MINK1: variants seen among roughly 807,000 people sequenced by gnomAD.
The protein encoded by MINK1 is misshapen-like kinase 1.
Under a neutral mutation model 178.4 loss-of-function variants are expected in MINK1, and 46 were observed. That is an observed-to-expected ratio of 0.26 (90% CI 0.20 to 0.33). The LOEUF is 0.33. Ranked by LOEUF, MINK1 falls within the 10% of genes least tolerant of loss-of-function variation. MINK1 has a pLI of 1.00. For missense variants in MINK1, 1,366 were observed against 1,814.9 expected, an observed-to-expected ratio of 0.75 and a Z score of 4.49; for synonymous variants, 797 against 709.7, an observed-to-expected ratio of 1.12 and a Z score of -1.96.
chr17:4,887,282 C>A lies in MINK1; in HGVS notation c.1019+103C>A. 1 of 1,250,152 alleles carries A rather than the reference C, an allele frequency of 8.0e-7. No individual in the cohort carries two copies. Among genetic ancestry groups the A allele is most frequent in the Non-Finnish European group, 1.1e-6 (1 of 880,304 alleles). 77.4% of individuals were successfully genotyped at this position (1,250,152 alleles called of 1,614,324 possible). On this transcript the variant is annotated intron_variant, in intron 11 of 31. Transcript: ENST00000355280. The surrounding 1 kb of genome is among the most constrained non-coding windows in gnomAD (Gnocchi z 7.6). ...ACTCTCAGCCTGGGGGTGGTGGGCACAGAGAGGTAGAGACTCCTGGAAACC... is the reference window on the plus strand; with the variant it reads ...ACTCTCAGCCTGGGGGTGGTGGGCAAAGAGAGGTAGAGACTCCTGGAAACC...
At chr17:4,872,758 ACT>A (rs1567591075) in intron 1 of MINK1, among the ~76,000 whole-genome samples, 7 of 151,944 alleles carry the variant, frequency 4.6e-5, no homozygotes, top group African/African-American at 1.7e-4. Context: ...GGTGACAGAG[ACT>A]CTGTCTCAGA....
At chr17:4,859,527 T>C (rs1036170378) in intron 1 of MINK1, among the ~76,000 whole-genome samples, 3 of 152,108 alleles carry the variant, frequency 2.0e-5, no homozygotes, top group Non-Finnish European at 4.4e-5. Flanking sequence ...AGACACTGGC[T>C]ACGTAATCCC....
chr17:4,893,032 C>T lies in MINK1; in HGVS notation c.2365C>T (p.Pro789Ser). 13 of 1,577,700 alleles carry T rather than the reference C, an allele frequency of 8.2e-6. No homozygotes were observed. Among genetic ancestry groups the T allele is most frequent in the Non-Finnish European group, 1.1e-5 (13 of 1,163,948 alleles). The stretch of plus-strand genomic sequence containing the variant: ...GCTCTCCCCTGGGAATAAAGCCAAG[C>T]CCGACGACCACCGCTCACGGCCAGG... ...PVLSPGNKAK[P>S]DDHRSRPGRP... is the part of the protein sequence containing the mutation. Residue 789 changes from proline (P) to serine (S), a missense_variant, in exon 20 of 32, where the codon CCC becomes TCC. By Grantham distance (74) the Pro-to-Ser change is moderately conservative. This residue lies in a region of MINK1 where 709 missense variants were observed against 692.3 expected (regional missense o/e 1.02). Transcript: ENST00000355280.
chr17:4,853,293 T>C (rs1327798635), intron 1 of MINK1, among the ~76,000 whole-genome samples: 1 of 57,036 alleles, frequency 1.8e-5, no homozygotes, highest in African/African-American at 7.8e-5. Flanking sequence ...GTAGAGTGGT[T>C]GGTGGGGGAG....
chr17:4,887,539 G>A lies in MINK1; in HGVS notation c.1020-41G>A. ...ACGGGGTTGAGAGTGGGAACCAACA[G>A]GGTTCTGACCCCAGTGCTTCTTTGT... On this transcript the variant is annotated intron_variant, in intron 11 of 31. Transcript: ENST00000355280. This position sits in a 1 kb window ranked among gnomAD's most constrained non-coding sequence, Gnocchi z 7.6. The A allele has an allele frequency of 1.4e-6, 2 of 1,454,484 alleles. No individual in the cohort carries two copies. The highest frequency in any genetic ancestry group is 1.8e-6 in the Non-Finnish European group (2 of 1,098,524). 90.1% of individuals were successfully genotyped at this position (1,454,484 alleles called of 1,614,324 possible).
chr17:4,835,618 C>T (rs1909196024), intron 1 of MINK1, among the ~76,000 whole-genome samples: 1 of 152,128 alleles, frequency 6.6e-6, no homozygotes. Flanking sequence ...CAAAGCGAGA[C>T]CTTGTCTTAA....
chr17:4,891,435 C>T, intron 15 of MINK1, 21 bp from the exon 16 acceptor site: 1 of 1,534,698 alleles, frequency 6.5e-7, no homozygotes, highest in African/African-American at 1.4e-5. Context: ...GCAGCCCACC[C>T]TCCCTGGTCT....
intron 1 of MINK1, among the ~76,000 whole-genome samples, chr17:4,837,552 G>A (rs530246742): frequency 6.6e-6 from 1 of 152,250 alleles, no homozygotes; most frequent in Non-Finnish European, 1.5e-5. Flanking sequence ...AAGAGAAAAT[G>A]TGGGCCTCTG....
At position 4,859,226 on chromosome 17, in the gene MINK1, A is replaced by C. The variant is rs534155730; in HGVS notation, c.58-19091A>C. 1.6e-4 allele frequency: 160 copies of C among 985,342 alleles called. 1 individual carries two copies. The African/African-American group carries it at 2.6e-3, about 16-fold the overall frequency. The allele number at this position is 985,342 out of a possible 1,614,324, so 61.0% of individuals were successfully genotyped here. On this transcript the variant is annotated intron_variant, in intron 1 of 31. Coordinates refer to ENST00000355280, the MANE Select transcript of MINK1 (RefSeq NM_153827.5). The stretch of plus-strand genomic sequence containing the variant: ...TCCCTTCCCCAGGCTTTATGGTTCC[A>C]GTTCTTCTACCATTCTGGAAGCTCC...
At chr17:4,846,830 C>T (rs765293789) in intron 1 of MINK1, among the ~76,000 whole-genome samples, 4 of 152,182 alleles carry the variant, frequency 2.6e-5, no homozygotes, top group Non-Finnish European at 2.9e-5. Context: ...GCCACAGGCT[C>T]GGCCCCATCT....
chr17:4,891,599 C>T lies in MINK1; in HGVS notation c.1884C>T (p.Ala628=), dbSNP rs775118493. The part of the protein sequence containing the change: ...DPDPAIPAPT[A]TPSARGAVIR... Reference sequence around the variant, plus strand: ...ACCCTGCCATCCCCGCACCCACTGCCACGCCCAGTGCCCGAGGAGCTGTCA... The same window carrying T: ...ACCCTGCCATCCCCGCACCCACTGCTACGCCCAGTGCCCGAGGAGCTGTCA... The change falls in exon 16 of 32, where the codon GCC becomes GCT. Residue 628 remains alanine, a synonymous_variant. Coordinates refer to ENST00000355280, the MANE Select transcript of MINK1 (RefSeq NM_153827.5). The T allele has an allele frequency of 2.1e-5, 34 of 1,604,448 alleles. No individual in the cohort carries two copies. The highest frequency in any genetic ancestry group is 3.4e-5 in the Admixed American group (2 of 58,522).
At position 4,894,479 on chromosome 17, in the gene MINK1, A is replaced by C. The variant is rs1354633425; in HGVS notation, c.2809-46A>C. The C allele has an allele frequency of 6.5e-7, 1 of 1,529,334 alleles. No individual in the cohort carries two copies. The highest frequency in any genetic ancestry group is 8.9e-7 in the Non-Finnish European group (1 of 1,124,168). 94.7% of individuals were successfully genotyped at this position (1,529,334 alleles called of 1,614,324 possible). On this transcript the variant is annotated intron_variant, in intron 23 of 31. Coordinates refer to ENST00000355280, the MANE Select transcript of MINK1 (RefSeq NM_153827.5). The surrounding 1 kb of genome is among the most constrained non-coding windows in gnomAD (Gnocchi z 4.1). ...GGAACAGCAGCAGGGGCAGGGCCGC[A>C]GCTGGACTTGCACTTGTTTGCCTGA...
Position 4,865,472 on chromosome 17 carries a change from G to A in MINK1, c.58-12845G>A, listed in dbSNP as rs1016119427. Among the ~76,000 whole-genome samples, 6 of 152,012 alleles carry A rather than the reference G, an allele frequency of 3.9e-5. No individual in the cohort carries two copies. The East Asian group carries it at 1.2e-3, about 29-fold the overall frequency. ...ATAAATAAATAAATAACCAGACACTGGACTAGAGGGGGAAAGTTTCAAGGA... is the reference window on the plus strand; with the variant it reads ...ATAAATAAATAAATAACCAGACACTAGACTAGAGGGGGAAAGTTTCAAGGA... On this transcript the variant is annotated intron_variant, in intron 1 of 31. Transcript: ENST00000355280.
At chr17:4,854,961 C>T (rs1912789414) in intron 1 of MINK1, among the ~76,000 whole-genome samples, 1 of 152,016 alleles carries the variant, frequency 6.6e-6, no homozygotes, top group South Asian at 2.1e-4. Context: ...AGTCCCAGCA[C>T]TTTGGGAGGC....
rs1967667810 is a variant in MINK1, at chr17:4,881,147, A to C, written c.196A>C (p.Ile66Leu). Reference sequence around the variant, plus strand: ...ATCTGCTTAGGACGAGGAGGAAGAGATCAAACAGGAGATCAACATGCTGAA... The same window carrying C: ...ATCTGCTTAGGACGAGGAGGAAGAGCTCAAACAGGAGATCAACATGCTGAA... ...MDVTEDEEEEIKQEINMLKKY... is the reference protein window; with the variant it reads ...MDVTEDEEEELKQEINMLKKY... Residue 66 changes from isoleucine to leucine, a missense_variant, in exon 4 of 32, where the codon ATC becomes CTC. Transcript: ENST00000355280. 9 of 1,536,980 alleles carry C rather than the reference A, an allele frequency of 5.9e-6. No individual in the cohort carries two copies. The highest frequency in any genetic ancestry group is 7.8e-6 in the Non-Finnish European group (9 of 1,146,888).
Position 4,891,248 on chromosome 17 carries a change from T to A in MINK1, c.1740+124T>A, listed in dbSNP as rs183584860. On this transcript the variant is annotated intron_variant, in intron 15 of 31. Coordinates refer to ENST00000355280, the MANE Select transcript of MINK1 (RefSeq NM_153827.5). ...CACCTGCTCAGCCGTGAGCCAGGAT[T>A]ACAGAGCACAGGCTTTGTGGACAGA... 49 of 1,165,088 alleles carry A rather than the reference T, an allele frequency of 4.2e-5. No individual in the cohort carries two copies. The Middle Eastern group carries it at 1.2e-3, about 29-fold the overall frequency. The allele number at this position is 1,165,088 out of a possible 1,614,324, so 72.2% of individuals were successfully genotyped here.
chr17:4,855,467 CAG>C (rs1299968247), intron 1 of MINK1, among the ~76,000 whole-genome samples: 1 of 110,160 alleles, frequency 9.1e-6, no homozygotes, highest in Non-Finnish European at 1.7e-5. Context: ...GCCTGGGCGA[CAG>C]AGCGAGACTC....
At chr17:4,852,344 A>C (rs1567566440) in intron 1 of MINK1, among the ~76,000 whole-genome samples, 1 of 152,172 alleles carries the variant, frequency 6.6e-6, no homozygotes, top group Non-Finnish European at 1.5e-5. Flanking sequence ...TTAGTCTAGC[A>C]GAGGAGACAG....
intron 1 of MINK1, among the ~76,000 whole-genome samples, chr17:4,843,085 G>C (rs1354984550): frequency 2.6e-5 from 4 of 152,190 alleles, no homozygotes; most frequent in African/African-American, 7.2e-5. Context: ...GAGGTGGAGA[G>C]AGTCCGCCTA....
Sources: allele counts gnomAD v4.1 joint callset (sites outside exome capture counted in the v4.1 genomes callset), GRCh38; gene constraint gnomAD v4.1.1; regional missense constraint gnomAD v4.1.1; non-coding constraint Gnocchi (gnomAD v3.1); transcripts MANE v1.5; gene names NCBI Gene and HGNC (gene_info 2026-07-23, HGNC 2026-07-21).